The following EXOC2 variants were observed in gnomAD, a reference collection of about 807,000 sequenced individuals.
EXOC2 encodes SEC5-like 1.
A neutral mutation model predicts 131.8 loss-of-function variants in EXOC2; 70 were observed. The ratio of observed to expected loss-of-function variants is 0.53; its 90% CI spans 0.44 to 0.65. EXOC2 has a LOEUF of 0.65. Ranked by LOEUF, EXOC2 falls within the 30% of genes least tolerant of loss-of-function variation. EXOC2 has a pLI of 0.00. For synonymous variants in EXOC2, 411 were observed against 398.4 expected, an observed-to-expected ratio of 1.03 and a Z score of -0.38; for missense variants, 923 against 1,108.6, an observed-to-expected ratio of 0.83 and a Z score of 2.38.
Position 676,920 on chromosome 6 carries a change from A to G in EXOC2, c.-44+16099T>C, listed in dbSNP as rs936009225. 4.3e-5 allele frequency among the ~76,000 whole-genome samples: 5 copies of G among 116,708 alleles called. 1 individual carries two copies. Among genetic ancestry groups the G allele is most frequent in the African/African-American group, 1.4e-4 (5 of 34,706 alleles). The allele number at this position is 116,708 out of a possible 152,430, so 76.6% of individuals were successfully genotyped here. A position where few individuals can be genotyped will look rare whatever the true frequency, so the allele number is the denominator to read the frequency against. On this transcript the variant is annotated intron_variant, in intron 1 of 27. Transcript: ENST00000230449. ...ACTGCGGTTCCCCATACTCTTCAAC[A>G]TTACAGAAAGGACAGGTTCCTCTGA...
Position 619,519 on chromosome 6 carries a change from T to C in EXOC2, c.447A>G (p.Leu149=), listed in dbSNP as rs759389684. The C allele has an allele frequency of 1.2e-6, 2 of 1,614,006 alleles. No homozygotes were observed. The highest frequency in any genetic ancestry group is 3.3e-5 in the Admixed American group (2 of 60,012). The change falls in exon 5 of 28, where the codon TTA becomes TTG. Residue 149 remains leucine (L), a synonymous_variant. Coordinates refer to ENST00000230449, the MANE Select transcript of EXOC2 (RefSeq NM_018303.6). The stretch of plus-strand genomic sequence containing the variant: ...CACTCATTCCATGGAATAGCATTTC[T>C]AAGTCCTTCTGCGAAAATTTACTTC... ...IEKSKFSQKD[L]EMLFHGMSAD... is the part of the protein sequence containing the mutation.
intron 12 of EXOC2, among the ~76,000 whole-genome samples, chr6:576,408 A>G (rs1581474779): frequency 1.3e-5 from 2 of 152,218 alleles, no homozygotes; most frequent in Non-Finnish European, 2.9e-5. Context: ...GTATACTGAT[A>G]CTACTTTTAT....
chr6:528,553 G>T (rs906584544), intron 23 of EXOC2, among the ~76,000 whole-genome samples: 1 of 152,122 alleles, frequency 6.6e-6, no homozygotes, highest in African/African-American at 2.4e-5. Flanking sequence ...GAGCACCGAT[G>T]ACTTCTACAT....
intron 4 of EXOC2, among the ~76,000 whole-genome samples, chr6:626,499 G>A (rs943832615): frequency 2.6e-5 from 4 of 152,138 alleles, no homozygotes; most frequent in Admixed American, 6.5e-5. Flanking sequence ...GTCAGCTGTC[G>A]AGAATTTATC....
At chr6:577,430 C>G (rs1375578633) in intron 11 of EXOC2, among the ~76,000 whole-genome samples, 1 of 152,186 alleles carries the variant, frequency 6.6e-6, no homozygotes, top group Non-Finnish European at 1.5e-5. Flanking sequence ...TTGTCTCACA[C>G]TCAAATACTG....
intron 13 of EXOC2, among the ~76,000 whole-genome samples, chr6:567,265 G>C (rs1471216429): frequency 2.6e-5 from 4 of 152,018 alleles, no homozygotes; most frequent in African/African-American, 7.2e-5. Flanking sequence ...AAGCTGAGCT[G>C]CCCTCCTGGT....
intron 11 of EXOC2, among the ~76,000 whole-genome samples, chr6:590,471 T>C (rs1759480056): frequency 6.6e-6 from 1 of 152,122 alleles, no homozygotes; most frequent in African/African-American, 2.4e-5. Context: ...CGGCGACCTC[T>C]CCATTGTACT....
At chr6:598,244 A>G in intron 9 of EXOC2, 121 bp from the exon 10 acceptor site, 1 of 673,798 alleles carries the variant, frequency 1.5e-6, no homozygotes, top group Non-Finnish European at 2.5e-6. Context: ...GGCCGTGTCT[A>G]GAGTGATCAG....
chr6:525,391 T>C (rs1379188882), intron 23 of EXOC2: 1 of 152,200 alleles, frequency 6.6e-6, no homozygotes, highest in Non-Finnish European at 1.5e-5. Context: ...TGAGTGTTCT[T>C]GCAATGACTA....
chr6:674,551 A>G (rs917730211), intron 1 of EXOC2, among the ~76,000 whole-genome samples: 1 of 152,150 alleles, frequency 6.6e-6, no homozygotes, highest in African/African-American at 2.4e-5. Flanking sequence ...GCTGGGAGAA[A>G]TGAGTAAGCT....
At chr6:509,704 A>C (rs1764742850) in intron 23 of EXOC2, among the ~76,000 whole-genome samples, 1 of 152,230 alleles carries the variant, frequency 6.6e-6, no homozygotes, top group African/African-American at 2.4e-5. Flanking sequence ...ATGCCATCTT[A>C]ACCTATACCA....
chr6:517,168 A>G (rs1765206053), intron 23 of EXOC2, among the ~76,000 whole-genome samples: 1 of 151,364 alleles, frequency 6.6e-6, no homozygotes, highest in South Asian at 2.1e-4. Context: ...GAAAGAAATA[A>G]AAGAGAAGAA....
intron 23 of EXOC2, among the ~76,000 whole-genome samples, chr6:503,189 T>G (rs1343843578): frequency 1.3e-5 from 2 of 152,056 alleles, no homozygotes; most frequent in Non-Finnish European, 2.9e-5. Context: ...TATTACCGAT[T>G]GGGCTGAAAT....
chr6:627,562 G>T (rs372263042), intron 4 of EXOC2, among the ~76,000 whole-genome samples: 13 of 152,264 alleles, frequency 8.5e-5, no homozygotes, highest in African/African-American at 2.9e-4. Flanking sequence ...AGGGCTAATG[G>T]CGATGCCAGG....
intron 1 of EXOC2, among the ~76,000 whole-genome samples, chr6:655,435 T>C (rs1414812487): frequency 6.6e-6 from 1 of 152,266 alleles, no homozygotes; most frequent in African/African-American, 2.4e-5. Context: ...TCTGTCTTTA[T>C]TGCAATATTT....
Position 491,150 on chromosome 6 carries a change from C to A in EXOC2, c.2596G>T (p.Ala866Ser), listed in dbSNP as rs146362030. The part of the protein sequence containing the change: ...LEICALRDTV[A>S]VYLTPESKSS... ...TTGCTTTCGGGTGTCAGGTAAACAG[C>A]CACAGTGTCCCTCAAAGCACAGATT... Residue 866 changes from alanine to serine, a missense_variant, in exon 26 of 28, where the codon GCT (alanine) becomes TCT (serine). Transcript: ENST00000230449. 1.6e-3 allele frequency: 2,563 copies of A among 1,614,132 alleles called. 4 individuals carry two copies. Among genetic ancestry groups the A allele is most frequent in the South Asian group, 3.1e-3 (283 of 91,068 alleles).
In EXOC2 at chr6:667,294, T is replaced by A. The variant is rs1450496180; in HGVS notation, c.-44+25725A>T. Among the ~76,000 whole-genome samples the A allele has an allele frequency of 2.0e-5, 2 of 97,770 alleles. 1 individual carries two copies. Among genetic ancestry groups the A allele is most frequent in the Non-Finnish European group, 4.9e-5 (2 of 41,180 alleles). 64.1% of individuals were successfully genotyped at this position (97,770 alleles called of 152,430 possible). A position where few individuals can be genotyped will look rare whatever the true frequency, so the allele number is the denominator to read the frequency against. On this transcript the variant is annotated intron_variant, in intron 1 of 27. Transcript: ENST00000230449. ...TGGTAACAAATTTCCTCAACTTTTG[T>A]TTATCTGAGAAAGTATTTCTCATTC...
At chr6:555,775 T>C (rs1425465111) in intron 19 of EXOC2, among the ~76,000 whole-genome samples, 179 bp downstream of exon 19, 3 of 152,130 alleles carry the variant, frequency 2.0e-5, no homozygotes, top group South Asian at 2.1e-4. Flanking sequence ...CTAAAACAAG[T>C]TGGAATTAAT....
intron 22 of EXOC2, among the ~76,000 whole-genome samples, chr6:539,901 A>G (rs2127552425): frequency 6.6e-6 from 1 of 152,346 alleles, no homozygotes; most frequent in African/African-American, 2.4e-5. Context: ...ACATTCCTTT[A>G]TATTACTGAA....
Sources: gnomAD v4.1 joint callset for allele counts (sites outside exome capture counted in the v4.1 genomes callset) on GRCh38, gnomAD v4.1.1 for gene constraint, MANE v1.5 for transcripts, NCBI Gene and HGNC (gene_info 2026-07-23, HGNC 2026-07-21) for gene names.